UNC5C: variants seen among roughly 807,000 people sequenced by gnomAD.
UNC5C encodes unc-5 netrin receptor C.
Under a neutral mutation model 99.8 loss-of-function variants are expected in UNC5C, and 47 were observed. That is an observed-to-expected ratio of 0.47 (90% CI 0.37 to 0.60). The LOEUF (loss-of-function observed/expected upper bound fraction) is 0.60, where lower values mean the gene tolerates loss of function less well. UNC5C is among the 20% of genes least tolerant of loss of function. The probability of loss-of-function intolerance (pLI) is 0.00; values close to 1 mark genes in which losing one functional copy is unlikely to be tolerated. For synonymous variants in UNC5C, 487 were observed against 452.2 expected, an observed-to-expected ratio of 1.08 and a Z score of -0.98; for missense variants, 1,062 against 1,165.9, an observed-to-expected ratio of 0.91 and a Z score of 1.30.
intron 1 of UNC5C, among the ~76,000 whole-genome samples, chr4:95,422,473 CTTT>C (rs1746349785): frequency 6.6e-6 from 1 of 151,950 alleles, no homozygotes; most frequent in South Asian, 2.1e-4. Flanking sequence ...CTTTTTTTCT[CTTT>C]GAGACATGTT....
At chr4:95,273,475 G>A (rs890350165) in intron 4 of UNC5C, among the ~76,000 whole-genome samples, 1 of 152,186 alleles carries the variant, frequency 6.6e-6, no homozygotes, top group Non-Finnish European at 1.5e-5. Context: ...AATGAGCAAA[G>A]AGGATTAATT....
chr4:95,213,481 TC>T (rs760787920), intron 10 of UNC5C, among the ~76,000 whole-genome samples: 15 of 152,168 alleles, frequency 9.9e-5, no homozygotes, highest in Non-Finnish European at 1.8e-4. Flanking sequence ...AGACCGCTTG[TC>T]CCATCTCTGT....
intron 8 of UNC5C, among the ~76,000 whole-genome samples, chr4:95,219,702 T>TA (rs926585791): frequency 2.6e-5 from 4 of 152,166 alleles, no homozygotes; most frequent in Non-Finnish European, 4.4e-5. Flanking sequence ...CAAAGGAAGT[T>TA]AAAAAAAGAG....
chr4:95,370,092 C>T (rs1341819050), intron 1 of UNC5C, among the ~76,000 whole-genome samples: 1 of 152,066 alleles, frequency 6.6e-6, no homozygotes. Flanking sequence ...AACACATTAG[C>T]CAGTAGCCAT....
At chr4:95,475,889 A>G (rs1241841614) in intron 1 of UNC5C, among the ~76,000 whole-genome samples, 3 of 152,150 alleles carry the variant, frequency 2.0e-5, no homozygotes, top group African/African-American at 7.2e-5. Flanking sequence ...TCCTCGCTAC[A>G]TCTTATGACA....
chr4:95,228,025 T>TA (rs887951376), intron 7 of UNC5C, among the ~76,000 whole-genome samples: 6 of 152,076 alleles, frequency 3.9e-5, no homozygotes, highest in African/African-American at 1.4e-4. Flanking sequence ...CCAAGTATTG[T>TA]AAAAAAAGAA....
intron 1 of UNC5C, among the ~76,000 whole-genome samples, chr4:95,486,316 T>C (rs999447709): frequency 6.6e-6 from 1 of 151,786 alleles, no homozygotes; most frequent in Non-Finnish European, 1.5e-5. Flanking sequence ...TATGCATCAC[T>C]TTCTGGGCTA....
At chr4:95,466,407 A>G (rs79680878) in intron 1 of UNC5C, among the ~76,000 whole-genome samples, 2,028 of 152,260 alleles carry the variant, frequency 0.013, 90 homozygotes, top group Admixed American at 0.094. Flanking sequence ...ATACATTTGG[A>G]CAGTAATTAA....
chr4:95,223,863 C>T (rs1738568886), intron 7 of UNC5C, among the ~76,000 whole-genome samples: 1 of 152,012 alleles, frequency 6.6e-6, no homozygotes, highest in South Asian at 2.1e-4. Flanking sequence ...ATGCCATCTT[C>T]CTGGAAGTGA....
chr4:95,393,453 G>A (rs1479811132), intron 1 of UNC5C, among the ~76,000 whole-genome samples: 1 of 152,180 alleles, frequency 6.6e-6, no homozygotes, highest in African/African-American at 2.4e-5. Flanking sequence ...CACATACTAT[G>A]TGTGATAAGC....
rs1560726511 is a variant in UNC5C, at chr4:95,196,727, A to AATATATATTATATTTATGTAATATATAAT, written c.2136+5975_2136+6003dup. ...TATGGATAATATAAATAAATGTACA[A>AATATATATTATATTTATGTAATATATAAT]ATATATATTATATTTATGTAATATA... is the stretch of plus-strand genomic sequence containing the variant. On this transcript the variant is annotated intron_variant, in intron 12 of 15. Coordinates refer to ENST00000453304, the MANE Select transcript of UNC5C (RefSeq NM_003728.4). Among the ~76,000 whole-genome samples the AATATATATTATATTTATGTAATATATAAT allele has an allele frequency of 3.2e-3, 302 of 95,584 alleles. 26 individuals are homozygous for AATATATATTATATTTATGTAATATATAAT. The highest frequency in any genetic ancestry group is 4.1e-3 in the Non-Finnish European group (206 of 49,808). 62.7% of individuals were successfully genotyped at this position (95,584 alleles called of 152,430 possible).
chr4:95,287,514 T>C (rs1258675965), intron 3 of UNC5C, among the ~76,000 whole-genome samples: 1 of 152,198 alleles, frequency 6.6e-6, no homozygotes, highest in African/African-American at 2.4e-5. Context: ...GTGGTTATGA[T>C]CTGAATTATT....
rs1243105943 is a variant in UNC5C at position 95,219,299 on chromosome 4, G to A, written c.1315C>T (p.Pro439Ser). 6.2e-7 allele frequency: 1 copy of A among 1,613,318 alleles called. No homozygotes were observed. The highest frequency in any genetic ancestry group is 1.7e-5 in the Admixed American group (1 of 59,962). The change falls in exon 9 of 16, where the codon CCC becomes TCC. Residue 439 changes from proline to serine, a missense_variant. Coordinates refer to ENST00000453304, the MANE Select transcript of UNC5C (RefSeq NM_003728.4). ...KAARQDLLAVPPDLTSAAAMY... is the reference protein window; with the variant it reads ...KAARQDLLAVSPDLTSAAAMY... Reference sequence around the variant, plus strand: ...GCTGCAGCTGACGTGAGGTCTGGGGGTACAGCCAGCAGATCTGAGTCAGAA... The same window carrying A: ...GCTGCAGCTGACGTGAGGTCTGGGGATACAGCCAGCAGATCTGAGTCAGAA...
chr4:95,446,542 G>A (rs1357920081), intron 1 of UNC5C, among the ~76,000 whole-genome samples: 4 of 150,902 alleles, frequency 2.7e-5, no homozygotes, highest in East Asian at 1.9e-4. Flanking sequence ...AGGGATTGAC[G>A]GAAAGTAGAC....
chr4:95,384,643 A>G (rs1402393198), intron 1 of UNC5C, among the ~76,000 whole-genome samples: 8 of 152,186 alleles, frequency 5.3e-5, no homozygotes, highest in Non-Finnish European at 1.0e-4. Flanking sequence ...GGAGGTCATT[A>G]AATAATTTTT....
chr4:95,377,186 A>G (rs1744920623), intron 1 of UNC5C, among the ~76,000 whole-genome samples: 1 of 152,218 alleles, frequency 6.6e-6, no homozygotes, highest in African/African-American at 2.4e-5. Flanking sequence ...GTTGTATTTA[A>G]TATTATTTCA....
At chr4:95,183,150 A>G (rs1736686365) in intron 13 of UNC5C, 89 bp from the exon 14 acceptor site, 2 of 1,321,024 alleles carry the variant, frequency 1.5e-6, no homozygotes, top group Non-Finnish European at 2.1e-6. Context: ...TCTGAGTATC[A>G]CACCTGTGGC....
At chr4:95,183,778 C>CAAAT (rs576194215) in intron 13 of UNC5C, among the ~76,000 whole-genome samples, 238 of 152,272 alleles carry the variant, frequency 1.6e-3, no homozygotes, top group African/African-American at 5.5e-3. Flanking sequence ...AAATCCAGTA[C>CAAAT]AAATAAGAAC....
chr4:95,484,246 T>A (rs1449323320), intron 1 of UNC5C, among the ~76,000 whole-genome samples: 2 of 151,850 alleles, frequency 1.3e-5, no homozygotes, highest in Non-Finnish European at 1.5e-5. Context: ...GAGTGAAAAA[T>A]GCATCCATTC....
Sources: allele counts gnomAD v4.1 joint callset (sites outside exome capture counted in the v4.1 genomes callset), GRCh38; gene constraint gnomAD v4.1.1; transcripts MANE v1.5; gene names NCBI Gene and HGNC (gene_info 2026-07-23, HGNC 2026-07-21).